The following XRN2 variants were observed in gnomAD, a reference collection of about 807,000 sequenced individuals.
XRN2 encodes the protein DHM1-like protein.
A neutral mutation model predicts 138.5 loss-of-function variants in XRN2; 44 were observed. That is an observed-to-expected ratio of 0.32 (90% confidence interval 0.25 to 0.41). The LOEUF (loss-of-function observed/expected upper bound fraction) is 0.41, where lower values mean the gene tolerates loss of function less well. XRN2 is among the 10% of genes least tolerant of loss of function. The probability of loss-of-function intolerance (pLI) is 1.00; values close to 1 mark genes in which losing one functional copy is unlikely to be tolerated. For missense variants in XRN2, 937 were observed against 1,169.3 expected, an observed-to-expected ratio of 0.80 and a Z score of 2.90; for synonymous variants, 354 against 369.4, an observed-to-expected ratio of 0.96 and a Z score of 0.48.
chr20:21,311,175 ATTG>A (rs2037876265), intron 1 of XRN2, among the ~76,000 whole-genome samples: 3 of 152,338 alleles, frequency 2.0e-5, no homozygotes, highest in Admixed American at 6.5e-5. Flanking sequence ...GTATGTTCAA[ATTG>A]TTGTGCAACT....
At chr20:21,353,756 C>G (rs907071584) in intron 20 of XRN2, among the ~76,000 whole-genome samples, 1 of 147,144 alleles carries the variant, frequency 6.8e-6, no homozygotes, top group African/African-American at 2.5e-5. Flanking sequence ...GATCGTGCCA[C>G]TGCACTCCAG....
Position 21,331,576 on chromosome 20 carries a change from G to A in XRN2, c.592G>A (p.Ala198Thr). The change falls in exon 7 of 30, where the codon GCT (alanine) becomes ACT (threonine). Residue 198 changes from alanine (A) to threonine (T), a missense_variant. Coordinates refer to ENST00000377191, the MANE Select transcript of XRN2 (RefSeq NM_012255.5). ...TTTTTTATAGGTTATTTTATCTGAT[G>A]CTAGTGCTCCTGGTGAAGGAGAACA... Reference protein sequence around the residue: ...WKNLTVILSDASAPGEGEHKI... With the variant: ...WKNLTVILSDTSAPGEGEHKI... The A allele has an allele frequency of 6.2e-7, 1 of 1,611,950 alleles. No homozygotes were observed. The highest frequency in any genetic ancestry group is 1.1e-5 in the South Asian group (1 of 90,676).
intron 24 of XRN2, among the ~76,000 whole-genome samples, chr20:21,362,188 G>A (rs1190485865): frequency 6.6e-6 from 1 of 152,088 alleles, no homozygotes; most frequent in Non-Finnish European, 1.5e-5. Flanking sequence ...CAGAGCATGA[G>A]CATGAATAAT....
chr20:21,331,681 G>A (rs767869622), intron 7 of XRN2, 48 bp downstream of exon 7: 6 of 1,597,704 alleles, frequency 3.8e-6, no homozygotes, highest in Non-Finnish European at 4.3e-6. Flanking sequence ...TTTTTAAAAA[G>A]CCATTGCATA....
chr20:21,315,043 C>A (rs1456945368), intron 1 of XRN2, among the ~76,000 whole-genome samples: 1 of 152,142 alleles, frequency 6.6e-6, no homozygotes, highest in East Asian at 1.9e-4. Flanking sequence ...GGGTTATACA[C>A]CTCAGGGTTT....
At chr20:21,371,062 CA>C (rs1283373288) in intron 27 of XRN2, among the ~76,000 whole-genome samples, 1 of 151,966 alleles carries the variant, frequency 6.6e-6, no homozygotes, top group Non-Finnish European at 1.5e-5. Context: ...ATTTGATTTC[CA>C]AAAAACAGAG....
chr20:21,377,898 G>T (rs1368118855), intron 27 of XRN2, among the ~76,000 whole-genome samples: 1 of 152,100 alleles, frequency 6.6e-6, no homozygotes, highest in Non-Finnish European at 1.5e-5. Context: ...AGGGGACCTG[G>T]TTCATTTCAC....
At chr20:21,325,479 G>C (rs1466913402) in intron 1 of XRN2, among the ~76,000 whole-genome samples, 2 of 152,302 alleles carry the variant, frequency 1.3e-5, no homozygotes, top group South Asian at 4.1e-4. Flanking sequence ...AATTTCTTGG[G>C]AGATATGTAC....
chr20:21,374,962 C>T (rs1251842728), intron 27 of XRN2, among the ~76,000 whole-genome samples: 1 of 118,652 alleles, frequency 8.4e-6, no homozygotes, highest in African/African-American at 3.2e-5. Flanking sequence ...TTTTTTAGTT[C>T]TGGCTTTTCA....
At chr20:21,359,124 G>A (rs1327150) in intron 24 of XRN2, among the ~76,000 whole-genome samples, 11,978 of 152,234 alleles carry the variant, frequency 0.079, 591 homozygotes, top group East Asian at 0.16. Context: ...GAGTTACAGA[G>A]TTAATGGAAA....
intron 26 of XRN2, among the ~76,000 whole-genome samples, chr20:21,367,015 G>A (rs143527376): frequency 5.7e-4 from 87 of 152,204 alleles, no homozygotes; most frequent in African/African-American, 2.1e-3. Flanking sequence ...TTTTTCAAGT[G>A]TTAACCAATA....
intron 1 of XRN2, among the ~76,000 whole-genome samples, chr20:21,310,779 G>T (rs575101067): frequency 6.6e-6 from 1 of 150,964 alleles, no homozygotes; most frequent in South Asian, 2.1e-4. Flanking sequence ...GAGTCTTGCT[G>T]TGTCGCCCAG....
rs1318202770 is a variant in XRN2 at position 21,369,026 on chromosome 20, A to G, written c.2584+436A>G. On this transcript the variant is annotated intron_variant, in intron 27 of 29. Coordinates refer to ENST00000377191, the MANE Select transcript of XRN2 (RefSeq NM_012255.5). Reference sequence around the variant, plus strand: ...ATTCATTGTTTCTAACTATTTTTTCATAGCCATTAACCATCCTCCCCTCCC... The same window carrying G: ...ATTCATTGTTTCTAACTATTTTTTCGTAGCCATTAACCATCCTCCCCTCCC... Among the ~76,000 whole-genome samples, 5 of 151,904 alleles carry G rather than the reference A, an allele frequency of 3.3e-5. 1 individual carries two copies. The highest frequency in any genetic ancestry group is 2.4e-5 in the African/African-American group (1 of 41,430).
chr20:21,354,323 T>C (rs1326503066), intron 20 of XRN2, among the ~76,000 whole-genome samples: 2 of 152,224 alleles, frequency 1.3e-5, no homozygotes, highest in African/African-American at 4.8e-5. Flanking sequence ...AGGAGATCTA[T>C]GCATTTTGGT....
chr20:21,375,455 C>G (rs4426586), intron 27 of XRN2, among the ~76,000 whole-genome samples: 2 of 151,920 alleles, frequency 1.3e-5, no homozygotes, highest in African/African-American at 4.8e-5. Flanking sequence ...AGATTTCTCT[C>G]TAATCACTTT....
chr20:21,336,725 C>A (rs908186543), intron 13 of XRN2, among the ~76,000 whole-genome samples: 1 of 152,118 alleles, frequency 6.6e-6, no homozygotes, highest in Admixed American at 6.6e-5. Flanking sequence ...ACTAAGTAAA[C>A]CTCATTAAGT....
At chr20:21,378,602 G>A (rs976685679) in intron 27 of XRN2, among the ~76,000 whole-genome samples, 5 of 152,156 alleles carry the variant, frequency 3.3e-5, no homozygotes, top group African/African-American at 1.2e-4. Context: ...AAAATAGTAC[G>A]TTGTACATAA....
chr20:21,373,348 C>T (rs2038783811), intron 27 of XRN2, among the ~76,000 whole-genome samples: 1 of 152,344 alleles, frequency 6.6e-6, no homozygotes, highest in African/African-American at 2.4e-5. Flanking sequence ...AATCATAGGA[C>T]TATATCACCA....
chr20:21,367,248 A>G (rs2038714926), intron 26 of XRN2, among the ~76,000 whole-genome samples: 1 of 152,150 alleles, frequency 6.6e-6, no homozygotes, highest in East Asian at 1.9e-4. Flanking sequence ...GATACTATAG[A>G]GAGAGGGGAC....
Sources: gnomAD v4.1 joint callset for allele counts (sites outside exome capture counted in the v4.1 genomes callset) on GRCh38, gnomAD v4.1.1 for gene constraint, MANE v1.5 for transcripts, NCBI Gene and HGNC (gene_info 2026-07-23, HGNC 2026-07-21) for gene names.